Variants in ADAMTS16 observed in about 807,000 individuals in gnomAD.
ADAMTS16 encodes the protein A disintegrin and metalloproteinase with thrombospondin motifs 16.
In ADAMTS16, 94 loss-of-function variants were observed where a neutral mutation model predicts 145.8. That is an observed-to-expected ratio of 0.64 (90% CI 0.55 to 0.77). The LOEUF is 0.77. ADAMTS16 is among the 30% of genes least tolerant of loss of function. ADAMTS16 has a pLI of 0.00. For missense variants in ADAMTS16, 1,585 were observed against 1,591.5 expected (o/e 1.00, Z 0.07); for synonymous variants, 659 against 604.3 (o/e 1.09, Z -1.33).
At chr5:5,190,844 C>T (rs192636480) in intron 7 of ADAMTS16, among the ~76,000 whole-genome samples, 97 of 152,284 alleles carry the variant, frequency 6.4e-4, no homozygotes, top group Non-Finnish European at 7.3e-4. Context: ...TGGCTGGACT[C>T]CGAGAACTCA....
intron 3 of ADAMTS16, among the ~76,000 whole-genome samples, chr5:5,148,055 G>A (rs1050246036): frequency 2.0e-5 from 3 of 152,122 alleles, no homozygotes; most frequent in Non-Finnish European, 4.4e-5. Context: ...TAAAGTAAGT[G>A]TATAATTATA....
intron 11 of ADAMTS16, among the ~76,000 whole-genome samples, chr5:5,224,234 T>C (rs1337669005): frequency 6.6e-6 from 1 of 152,146 alleles, no homozygotes; most frequent in Non-Finnish European, 1.5e-5. Flanking sequence ...CTACTAGTGA[T>C]CCAGTGATCC....
chr5:5,279,319 A>T (rs958601583), intron 18 of ADAMTS16, among the ~76,000 whole-genome samples: 4 of 152,230 alleles, frequency 2.6e-5, no homozygotes, highest in Non-Finnish European at 5.9e-5. Flanking sequence ...CACTTTCCCC[A>T]GGAGTTTTAG....
At chr5:5,311,737 T>G (rs1045826770) in intron 21 of ADAMTS16, among the ~76,000 whole-genome samples, 1 of 150,964 alleles carries the variant, frequency 6.6e-6, no homozygotes, top group Non-Finnish European at 1.5e-5. Flanking sequence ...TTTTTTTGGT[T>G]GTTTTTTTTT....
intron 11 of ADAMTS16, among the ~76,000 whole-genome samples, chr5:5,229,115 G>A (rs1049782838): frequency 2.0e-4 from 31 of 151,706 alleles, no homozygotes; most frequent in East Asian, 3.9e-4. Flanking sequence ...TGGCTAACAC[G>A]GTGAAACCCC....
At chr5:5,294,156 G>A (rs984557936) in intron 18 of ADAMTS16, among the ~76,000 whole-genome samples, 1 of 152,210 alleles carries the variant, frequency 6.6e-6, no homozygotes, top group Non-Finnish European at 1.5e-5. Flanking sequence ...CAATTAAGGA[G>A]CAATCCCTGT....
chr5:5,291,692 G>A (rs1230288939), intron 18 of ADAMTS16, among the ~76,000 whole-genome samples: 1 of 116,618 alleles, frequency 8.6e-6, no homozygotes, highest in Non-Finnish European at 1.6e-5. Flanking sequence ...GACACAGAAA[G>A]GCTGTCCTCG....
chr5:5,224,300 T>C (rs1009151549), intron 11 of ADAMTS16, among the ~76,000 whole-genome samples: 5 of 100,308 alleles, frequency 5.0e-5, no homozygotes, highest in Non-Finnish European at 9.9e-5. Flanking sequence ...GTTTCTTTTC[T>C]GTTTTTTGAG....
chr5:5,295,169 A>G (rs556267024), intron 18 of ADAMTS16, among the ~76,000 whole-genome samples: 26 of 152,350 alleles, frequency 1.7e-4, no homozygotes, highest in Admixed American at 1.6e-3. Context: ...TGCTCATTGC[A>G]TATAATTTCC....
intron 9 of ADAMTS16, among the ~76,000 whole-genome samples, chr5:5,205,319 A>G (rs1197927016): frequency 7.0e-6 from 1 of 143,324 alleles, no homozygotes; most frequent in Non-Finnish European, 1.5e-5. Flanking sequence ...GAAAAAAAGA[A>G]AAAAAAAAAA....
At chr5:5,171,565 G>A (rs1466197375) in intron 3 of ADAMTS16, among the ~76,000 whole-genome samples, 1 of 152,172 alleles carries the variant, frequency 6.6e-6, no homozygotes, top group East Asian at 1.9e-4. Flanking sequence ...TTCATGTGAT[G>A]TATCACATTG....
intron 8 of ADAMTS16, among the ~76,000 whole-genome samples, chr5:5,196,957 G>A (rs932473076): frequency 6.6e-6 from 1 of 152,144 alleles, no homozygotes; most frequent in Non-Finnish European, 1.5e-5. Flanking sequence ...TTTCTTCTCT[G>A]CCCATTTCCC....
chr5:5,201,147 TC>T (rs1560946352), intron 9 of ADAMTS16, among the ~76,000 whole-genome samples: 1 of 152,178 alleles, frequency 6.6e-6, no homozygotes, highest in Non-Finnish European at 1.5e-5. Context: ...AGGACCTAGT[TC>T]CCCACTGCAG....
chr5:5,216,170 C>T (rs1169142388), intron 10 of ADAMTS16, among the ~76,000 whole-genome samples: 2 of 151,802 alleles, frequency 1.3e-5, no homozygotes, highest in South Asian at 2.1e-4. Context: ...AGTGTAGAAG[C>T]GTTCCCTGTT....
intron 3 of ADAMTS16, among the ~76,000 whole-genome samples, chr5:5,166,756 A>G (rs556454911): frequency 6.6e-6 from 1 of 152,366 alleles, no homozygotes; most frequent in East Asian, 1.9e-4. Flanking sequence ...GATAATTTCC[A>G]AGACAGTGTT....
At chr5:5,294,359 C>T (rs536393710) in intron 18 of ADAMTS16, among the ~76,000 whole-genome samples, 2 of 152,282 alleles carry the variant, frequency 1.3e-5, no homozygotes, top group East Asian at 3.9e-4. Flanking sequence ...AAGGAATTGG[C>T]TTATGTGATT....
chr5:5,216,208 G>T (rs548699548), intron 10 of ADAMTS16, among the ~76,000 whole-genome samples: 2 of 151,936 alleles, frequency 1.3e-5, no homozygotes, highest in East Asian at 3.9e-4. Flanking sequence ...AACATCTACT[G>T]TTTTTTGATT....
chr5:5,262,470 C>A (rs1260546602), intron 17 of ADAMTS16, among the ~76,000 whole-genome samples, 187 bp from the exon 18 acceptor site: 4 of 152,140 alleles, frequency 2.6e-5, no homozygotes, highest in African/African-American at 9.7e-5. Context: ...GAATGAAATT[C>A]ACGAATTACA....
chr5:5,147,230 G>T (rs1734325875), intron 3 of ADAMTS16, among the ~76,000 whole-genome samples: 1 of 152,202 alleles, frequency 6.6e-6, no homozygotes, highest in South Asian at 2.1e-4. Context: ...CAAATGAATT[G>T]CTCAGGTGCA....
Sources: gnomAD v4.1 joint callset for allele counts (sites outside exome capture counted in the v4.1 genomes callset) on GRCh38, gnomAD v4.1.1 for gene constraint, MANE v1.5 for transcripts, NCBI Gene and HGNC (gene_info 2026-07-23, HGNC 2026-07-21) for gene names.